ARHGAP26: variants seen among roughly 807,000 people sequenced by gnomAD.
ARHGAP26 encodes rho GTPase-activating protein 26.
A neutral mutation model predicts 104.8 loss-of-function variants in ARHGAP26; 38 were observed. The observed-to-expected ratio is 0.36, with a 90% confidence interval of 0.28 to 0.48. The LOEUF is 0.48. Ranked by LOEUF, ARHGAP26 falls within the 20% of genes least tolerant of loss-of-function variation. ARHGAP26 has a pLI of 0.99. For missense variants in ARHGAP26, 704 were observed against 947.9 expected (o/e 0.74, Z 3.38); for synonymous variants, 341 against 340.0 (o/e 1.00, Z -0.03).
At chr5:142,785,182 G>A (rs1424730760) in intron 1 of ARHGAP26, among the ~76,000 whole-genome samples, 3 of 151,620 alleles carry the variant, frequency 2.0e-5, no homozygotes, top group African/African-American at 7.3e-5. Flanking sequence ...CGCCCACCTC[G>A]GCCTCCCAAA....
At position 143,087,569 on chromosome 5, in the gene ARHGAP26, A is replaced by T. The variant is rs202118502; in HGVS notation, c.1538+29822A>T. Among the ~76,000 whole-genome samples, 32 of 139,546 alleles carry T rather than the reference A, an allele frequency of 2.3e-4. No homozygotes were observed. In the East Asian group the frequency reaches 6.5e-3, roughly 28 times the overall value. 91.5% of individuals were successfully genotyped at this position (139,546 alleles called of 152,430 possible). A position where few individuals can be genotyped will look rare whatever the true frequency, so the allele number is the denominator to read the frequency against. ...TCTTCAGACATGCTCTCCTCCTCTG[A>T]CCCTAGGGCTTTTGTCTGTTACCTA... On this transcript the variant is annotated intron_variant, in intron 17 of 22. Transcript: ENST00000645722.
chr5:142,884,946 G>A (rs2152402704), intron 4 of ARHGAP26, among the ~76,000 whole-genome samples: 1 of 152,308 alleles, frequency 6.6e-6, no homozygotes, highest in African/African-American at 2.4e-5. Flanking sequence ...CCCCACTGCT[G>A]CTGCTCCCCA....
intron 1 of ARHGAP26, among the ~76,000 whole-genome samples, chr5:142,774,982 T>C (rs1756002046): frequency 6.6e-6 from 1 of 152,198 alleles, no homozygotes; most frequent in South Asian, 2.1e-4. Context: ...CTTTCATCTA[T>C]TGAAGGACAT....
At chr5:143,087,633 A>ATTTTTTTTTTT (rs1292744774) in intron 17 of ARHGAP26, among the ~76,000 whole-genome samples, 3 of 19,336 alleles carry the variant, frequency 1.6e-4, no homozygotes, top group African/African-American at 3.4e-4. Flanking sequence ...ACCCTGGCCC[A>ATTTTTTTTTTT]TTCTTTTTTT....
intron 14 of ARHGAP26, among the ~76,000 whole-genome samples, chr5:143,044,487 C>T (rs552260831): frequency 2.6e-5 from 4 of 151,754 alleles, no homozygotes; most frequent in African/African-American, 9.7e-5. Flanking sequence ...CAGTATGGGG[C>T]CATTCACATG....
intron 17 of ARHGAP26, among the ~76,000 whole-genome samples, chr5:143,113,794 T>G (rs1027383205): frequency 6.6e-6 from 1 of 152,222 alleles, no homozygotes; most frequent in Admixed American, 6.5e-5. Context: ...GGAGAGGCCC[T>G]CTTTTTCCTA....
At chr5:143,026,808 G>C (rs1004052706) in intron 12 of ARHGAP26, among the ~76,000 whole-genome samples, 1 of 138,652 alleles carries the variant, frequency 7.2e-6, no homozygotes, top group African/African-American at 2.6e-5. Context: ...GTGGGTGGGG[G>C]TGGGGGGTGG....
At chr5:143,039,500 C>T (rs1783129602) in intron 13 of ARHGAP26, among the ~76,000 whole-genome samples, 1 of 151,750 alleles carries the variant, frequency 6.6e-6, no homozygotes, top group South Asian at 2.1e-4. Flanking sequence ...AGCCACTGTG[C>T]ACGGTCTAAC....
intron 11 of ARHGAP26, among the ~76,000 whole-genome samples, chr5:142,970,195 G>A (rs1240578404): frequency 1.3e-5 from 2 of 152,120 alleles, no homozygotes; most frequent in Non-Finnish European, 2.9e-5. Flanking sequence ...CGTGAACCAG[G>A]CCTTCTGCTA....
chr5:143,082,801 G>C (rs1178110660), intron 17 of ARHGAP26, among the ~76,000 whole-genome samples: 1 of 152,176 alleles, frequency 6.6e-6, no homozygotes. Flanking sequence ...CATAAAATAA[G>C]ATTATTCATT....
At chr5:142,780,307 G>A in intron 1 of ARHGAP26, among the ~76,000 whole-genome samples, 1 of 152,088 alleles carries the variant, frequency 6.6e-6, no homozygotes, top group East Asian at 1.9e-4. Context: ...TAATGTTGTT[G>A]TGAACATCCT....
At position 143,201,307 on chromosome 5, in the gene ARHGAP26, TCTGAGG is replaced by T. The variant is rs569840767; in HGVS notation, c.1989-5890_1989-5885del. ...TTCAGCTTAATACACCCATCTGGACTCTGAGGGTTGTAGGAATGCCTTTAGCAGTCA... is the reference window on the plus strand; with the variant it reads ...TTCAGCTTAATACACCCATCTGGACTGTTGTAGGAATGCCTTTAGCAGTCA... On this transcript the variant is annotated intron_variant, in intron 20 of 22. Coordinates refer to ENST00000645722, the MANE Select transcript of ARHGAP26 (RefSeq NM_001135608.3). Among the ~76,000 whole-genome samples the T allele has an allele frequency of 6.2e-3, 951 of 152,346 alleles. 4 individuals carry two copies. Among genetic ancestry groups the T allele is most frequent in the Non-Finnish European group, 0.01 (708 of 68,030 alleles).
rs58550799 is a variant in ARHGAP26 at position 142,808,236 on chromosome 5, GAAAAAAAAAAA to G, written c.154+37351_154+37361del. ...GGCAACAGAGTGAGACATTGTCTCG[GAAAAAAAAAAA>G]AAAAAAAAAAAAAAAAAAAAAAAAA... On this transcript the variant is annotated intron_variant, in intron 1 of 22. Transcript: ENST00000645722. 2.6e-3 allele frequency among the ~76,000 whole-genome samples: 84 copies of G among 32,678 alleles called. 1 individual carries two copies. The East Asian group carries it at 0.034, about 13-fold the overall frequency. 21.4% of individuals were successfully genotyped at this position (32,678 alleles called of 152,430 possible). A position where few individuals can be genotyped will look rare whatever the true frequency, so the allele number is the denominator to read the frequency against.
intron 11 of ARHGAP26, among the ~76,000 whole-genome samples, chr5:143,004,017 C>CAAAAA (rs144058530): frequency 2.5e-5 from 3 of 118,128 alleles, no homozygotes; most frequent in African/African-American, 7.3e-5. Context: ...AATTTATAGA[C>CAAAAA]AAAAAAAAAA....
intron 1 of ARHGAP26, among the ~76,000 whole-genome samples, chr5:142,775,746 G>T (rs986920930): frequency 1.3e-5 from 2 of 151,954 alleles, no homozygotes; most frequent in Admixed American, 1.3e-4. Flanking sequence ...TAAATATCTG[G>T]CTTATTTCAC....
At chr5:142,831,254 G>A (rs1037493191) in intron 1 of ARHGAP26, among the ~76,000 whole-genome samples, 9 of 152,072 alleles carry the variant, frequency 5.9e-5, no homozygotes, top group East Asian at 1.9e-4. Flanking sequence ...TCTCTGCCTC[G>A]TTCAGGTGCT....
chr5:143,093,798 G>A (rs2150551855), intron 17 of ARHGAP26, among the ~76,000 whole-genome samples: 1 of 152,280 alleles, frequency 6.6e-6, no homozygotes, highest in South Asian at 2.1e-4. Context: ...TTCTTCCTCT[G>A]AGAAGAAAGG....
intron 17 of ARHGAP26, among the ~76,000 whole-genome samples, chr5:143,081,433 T>C (rs929280735): frequency 2.6e-5 from 4 of 152,228 alleles, no homozygotes; most frequent in Non-Finnish European, 4.4e-5. Context: ...ACTTGGTTGC[T>C]TTAAGACAAT....
chr5:143,203,482 A>G (rs1013673376), intron 20 of ARHGAP26: 1 of 152,204 alleles, frequency 6.6e-6, no homozygotes, highest in African/African-American at 2.4e-5. Context: ...TGGGGTTGTA[A>G]ATTGGTTCAA....
Sources: allele counts gnomAD v4.1 joint callset (sites outside exome capture counted in the v4.1 genomes callset), GRCh38; gene constraint gnomAD v4.1.1; transcripts MANE v1.5; gene names NCBI Gene and HGNC (gene_info 2026-07-23, HGNC 2026-07-21).